Variants in SHISA9 observed in about 807,000 individuals in gnomAD.
SHISA9 encodes the protein shisa family member 9, also known as protein shisa-9.
Under a neutral mutation model 38.0 loss-of-function variants are expected in SHISA9, and 13 were observed. The ratio of observed to expected loss-of-function variants is 0.34; its 90% CI spans 0.22 to 0.54. The LOEUF is 0.54. SHISA9 is among the 20% of genes least tolerant of loss of function. SHISA9 has a pLI of 0.91. For synonymous variants in SHISA9, 275 were observed against 242.0 expected (o/e 1.14, Z -1.27); for missense variants, 538 against 575.8 (o/e 0.93, Z 0.67).
chr16:12,918,583 G>T (rs1471057464), intron 2 of SHISA9, among the ~76,000 whole-genome samples: 1 of 152,198 alleles, frequency 6.6e-6, no homozygotes, highest in East Asian at 1.9e-4. Flanking sequence ...ACTGAAAATG[G>T]ATTACTGCTC....
the SHISA9 span, among the ~76,000 whole-genome samples, chr16:13,311,445 G>T: frequency 2.0e-5 from 3 of 151,628 alleles, no homozygotes; most frequent in African/African-American, 7.3e-5. Flanking sequence ...ACAAATATAC[G>T]TCTCAAGCCC....
chr16:13,407,786 A>T, the SHISA9 span, among the ~76,000 whole-genome samples: 1 of 152,222 alleles, frequency 6.6e-6, no homozygotes, highest in Non-Finnish European at 1.5e-5. Context: ...CCCTGATGAA[A>T]AAAAGAAACT....
At chr16:13,343,039 T>C in the SHISA9 span, among the ~76,000 whole-genome samples, 13 of 152,364 alleles carry the variant, frequency 8.5e-5, no homozygotes, top group Middle Eastern at 3.4e-3. Context: ...ATGATTAACA[T>C]ATTACCTAGC....
At chr16:13,278,695 A>C in the SHISA9 span, among the ~76,000 whole-genome samples, 1 of 152,010 alleles carries the variant, frequency 6.6e-6, no homozygotes, top group Non-Finnish European at 1.5e-5. Context: ...TTTCTAGTAT[A>C]TGCACATAAA....
chr16:13,295,850 A>G, the SHISA9 span, among the ~76,000 whole-genome samples: 1 of 152,184 alleles, frequency 6.6e-6, no homozygotes, highest in African/African-American at 2.4e-5. Flanking sequence ...TGAAAATTCA[A>G]AGGAAGGAGC....
At chr16:13,053,519 A>G (rs2073276186) in intron 2 of SHISA9, among the ~76,000 whole-genome samples, 1 of 152,230 alleles carries the variant, frequency 6.6e-6, no homozygotes, top group Non-Finnish European at 1.5e-5. Flanking sequence ...TATATCATTC[A>G]ATTATGGTGC....
intron 2 of SHISA9, among the ~76,000 whole-genome samples, chr16:13,100,174 T>A (rs373035327): frequency 6.6e-6 from 1 of 152,262 alleles, no homozygotes; most frequent in Non-Finnish European, 1.5e-5. Flanking sequence ...CATATAATTG[T>A]GCTGCATTGA....
At chr16:12,939,618 A>G (rs1052764518) in intron 2 of SHISA9, among the ~76,000 whole-genome samples, 1 of 152,126 alleles carries the variant, frequency 6.6e-6, no homozygotes, top group African/African-American at 2.4e-5. Flanking sequence ...CCAAGTGGCT[A>G]TGTTGGGATT....
Position 13,172,206 on chromosome 16 carries a change from T to C in SHISA9, c.692-31188T>C, listed in dbSNP as rs1439777650. 3.3e-5 allele frequency among the ~76,000 whole-genome samples: 5 copies of C among 152,196 alleles called. No individual in the cohort carries two copies. In the East Asian group the frequency reaches 7.7e-4, roughly 23 times the overall value. On this transcript the variant is annotated intron_variant, in intron 2 of 4. Transcript: ENST00000558583. Reference sequence around the variant, plus strand: ...TTGTTTATTGCTTTTATTAAATCAGTTGGTTATCAAATCAGTCAATCAGTG... The same window carrying C: ...TTGTTTATTGCTTTTATTAAATCAGCTGGTTATCAAATCAGTCAATCAGTG...
At chr16:13,088,932 A>T (rs995560323) in intron 2 of SHISA9, among the ~76,000 whole-genome samples, 29 of 152,172 alleles carry the variant, frequency 1.9e-4, no homozygotes, top group African/African-American at 7.0e-4. Flanking sequence ...ATTCAGTATG[A>T]TATTGGCTGT....
At chr16:12,990,784 G>T (rs1240592707) in intron 2 of SHISA9, among the ~76,000 whole-genome samples, 1 of 152,158 alleles carries the variant, frequency 6.6e-6, no homozygotes, top group Non-Finnish European at 1.5e-5. Flanking sequence ...AGTGTCAATT[G>T]TACTGTGGTT....
intron 2 of SHISA9, among the ~76,000 whole-genome samples, chr16:12,940,446 C>A (rs749986642): frequency 6.8e-5 from 10 of 146,422 alleles, no homozygotes; most frequent in Non-Finnish European, 1.0e-4. Flanking sequence ...CCATCTCTCT[C>A]TTCTCACCTC....
the SHISA9 span, among the ~76,000 whole-genome samples, chr16:13,473,598 A>AC: frequency 6.6e-6 from 1 of 151,542 alleles, no homozygotes; most frequent in African/African-American, 2.4e-5. Context: ...CTTCTGTCAC[A>AC]CCAACACTCT....
At chr16:13,098,010 T>A (rs987328172) in intron 2 of SHISA9, among the ~76,000 whole-genome samples, 1 of 152,210 alleles carries the variant, frequency 6.6e-6, no homozygotes, top group Admixed American at 6.5e-5. Flanking sequence ...TGTCGGGTGC[T>A]TTATGTATGC....
chr16:13,468,285 G>T, the SHISA9 span, among the ~76,000 whole-genome samples: 1 of 152,146 alleles, frequency 6.6e-6, no homozygotes, highest in Non-Finnish European at 1.5e-5. Context: ...ACTGAGTTCT[G>T]GACCCGGATT....
chr16:13,539,843 C>T, the SHISA9 span, among the ~76,000 whole-genome samples: 2 of 152,130 alleles, frequency 1.3e-5, no homozygotes, highest in Non-Finnish European at 2.9e-5. Context: ...TGAGAACACG[C>T]CATGTTTGGT....
At chr16:13,452,473 T>C in the SHISA9 span, among the ~76,000 whole-genome samples, 1 of 152,148 alleles carries the variant, frequency 6.6e-6, no homozygotes, top group African/African-American at 2.4e-5. Flanking sequence ...TTACAACCAC[T>C]TGGCTGTGTT....
intron 2 of SHISA9, among the ~76,000 whole-genome samples, chr16:13,181,692 G>A (rs569094301): frequency 1.3e-5 from 2 of 152,040 alleles, no homozygotes; most frequent in South Asian, 4.2e-4. Context: ...GTGAGTGAGA[G>A]AAAGAGAGGT....
chr16:13,341,468 T>TC, the SHISA9 span, among the ~76,000 whole-genome samples: 1 of 152,006 alleles, frequency 6.6e-6, no homozygotes, highest in East Asian at 1.9e-4. Context: ...AGGGTTTTCT[T>TC]CCCCCAAGAT....
Sources: gnomAD v4.1 joint callset for allele counts (sites outside exome capture counted in the v4.1 genomes callset) on GRCh38, gnomAD v4.1.1 for gene constraint, MANE v1.5 for transcripts, NCBI Gene and HGNC (gene_info 2026-07-23, HGNC 2026-07-21) for gene names.